Variants in GRIA4 observed in about 807,000 individuals in gnomAD.
The protein encoded by GRIA4 is glutamate ionotropic receptor AMPA type subunit 4, also known as glutamate receptor 4.
Under a neutral mutation model 104.0 loss-of-function variants are expected in GRIA4, and 34 were observed. The ratio of observed to expected loss-of-function variants is 0.33; its 90% CI spans 0.25 to 0.44. GRIA4 has a LOEUF of 0.44. GRIA4 is among the 20% of genes least tolerant of loss of function. The pLI, the probability that GRIA4 is intolerant of heterozygous loss-of-function variation, is 1.00. For missense variants in GRIA4, 750 were observed against 1,096.5 expected (o/e 0.68, Z 4.46); for synonymous variants, 386 against 381.9 (o/e 1.01, Z -0.13).
intron 4 of GRIA4, among the ~76,000 whole-genome samples, chr11:105,780,641 T>TA (rs1941686003): frequency 3.9e-5 from 6 of 152,134 alleles, no homozygotes; most frequent in Admixed American, 3.9e-4. Flanking sequence ...TGCTGAAAGA[T>TA]AAAAACCTCA....
intron 4 of GRIA4, among the ~76,000 whole-genome samples, chr11:105,803,725 G>C (rs1341807404): frequency 6.6e-6 from 1 of 151,504 alleles, no homozygotes; most frequent in East Asian, 1.9e-4. Flanking sequence ...CACTTCATGA[G>C]CTCCTAATGA....
At chr11:105,799,818 T>G (rs987516222) in intron 4 of GRIA4, among the ~76,000 whole-genome samples, 1 of 152,016 alleles carries the variant, frequency 6.6e-6, no homozygotes, top group African/African-American at 2.4e-5. Context: ...AGAAAGGGAA[T>G]GGACTAGGAA....
intron 4 of GRIA4, among the ~76,000 whole-genome samples, chr11:105,783,391 G>A (rs1246984556): frequency 6.6e-6 from 1 of 152,200 alleles, no homozygotes; most frequent in Non-Finnish European, 1.5e-5. Context: ...TTCAGTGTTA[G>A]CCCCACACAG....
intron 16 of GRIA4, chr11:105,974,740 A>G: frequency 1.8e-6 from 1 of 556,512 alleles, no homozygotes; most frequent in Non-Finnish European, 3.2e-6. Flanking sequence ...TTATGTTGCC[A>G]ATAGATATCT....
At chr11:105,803,377 A>G (rs913122625) in intron 4 of GRIA4, among the ~76,000 whole-genome samples, 1 of 151,980 alleles carries the variant, frequency 6.6e-6, no homozygotes, top group Non-Finnish European at 1.5e-5. Context: ...CTAATGATAT[A>G]TTGATGTTCA....
intron 3 of GRIA4, among the ~76,000 whole-genome samples, chr11:105,722,221 T>G (rs1937873094): frequency 6.6e-6 from 1 of 152,184 alleles, no homozygotes; most frequent in African/African-American, 2.4e-5. Context: ...ACTTAACCAT[T>G]CTTCCACTTT....
At chr11:105,817,511 T>C (rs1456821733) in intron 4 of GRIA4, among the ~76,000 whole-genome samples, 1 of 151,736 alleles carries the variant, frequency 6.6e-6, no homozygotes, top group Non-Finnish European at 1.5e-5. Flanking sequence ...TATTCATTCC[T>C]TTACAACTAG....
At chr11:105,805,726 C>T (rs1465476786) in intron 4 of GRIA4, among the ~76,000 whole-genome samples, 1 of 151,818 alleles carries the variant, frequency 6.6e-6, no homozygotes, top group Non-Finnish European at 1.5e-5. Context: ...GAGGTTATCC[C>T]ATCCATAGAC....
intron 3 of GRIA4, among the ~76,000 whole-genome samples, chr11:105,615,550 A>C (rs948851620): frequency 6.6e-6 from 1 of 151,902 alleles, no homozygotes; most frequent in African/African-American, 2.4e-5. Flanking sequence ...GTCAAATTTC[A>C]AAATGTAATT....
rs1859196246 is a variant in GRIA4 at position 105,980,054 on chromosome 11, C to T, written c.*315C>T. ...CGAGTGGACTCAAAAACTAATCAGA[C>T]TTATGAGTTAGCGCATTAAACTGTG... On this transcript the variant is annotated 3_prime_UTR_variant, in exon 17 of 17. Coordinates refer to ENST00000282499, the MANE Select transcript of GRIA4 (RefSeq NM_000829.4). 1 of 250,668 alleles carries T rather than the reference C, an allele frequency of 4.0e-6. No individual in the cohort carries two copies. Among genetic ancestry groups the T allele is most frequent in the African/African-American group, 2.2e-5 (1 of 46,140 alleles). The allele number at this position is 250,668 out of a possible 1,614,324, so 15.5% of individuals were successfully genotyped here.
intron 4 of GRIA4, among the ~76,000 whole-genome samples, chr11:105,770,611 C>G (rs1941164368): frequency 6.6e-6 from 1 of 151,972 alleles, no homozygotes; most frequent in Non-Finnish European, 1.5e-5. Context: ...CCAAGTAGTT[C>G]TGGAGAAAAG....
chr11:105,733,812 T>A (rs976147066), intron 3 of GRIA4, among the ~76,000 whole-genome samples: 1 of 125,824 alleles, frequency 7.9e-6, no homozygotes, highest in Non-Finnish European at 1.7e-5. Context: ...TCGATACCCC[T>A]TCCATTTTGA....
intron 6 of GRIA4, among the ~76,000 whole-genome samples, chr11:105,895,405 G>A (rs1245837506): frequency 6.6e-6 from 1 of 151,694 alleles, no homozygotes; most frequent in African/African-American, 2.4e-5. Flanking sequence ...TTTTTATAAG[G>A]TACCTAAAAT....
intron 3 of GRIA4, among the ~76,000 whole-genome samples, chr11:105,730,609 G>A (rs1363082255): frequency 6.6e-6 from 1 of 152,026 alleles, no homozygotes; most frequent in Non-Finnish European, 1.5e-5. Flanking sequence ...GAGGCATCAC[G>A]CTACCTGACT....
chr11:105,971,814 G>A, intron 14 of GRIA4, 100 bp from the exon 15 acceptor site: 1 of 703,516 alleles, frequency 1.4e-6, no homozygotes, highest in Non-Finnish European at 2.4e-6. Flanking sequence ...ACCTACTGTG[G>A]CCTCTGCTCT....
At chr11:105,629,610 T>C (rs1950980536) in intron 3 of GRIA4, among the ~76,000 whole-genome samples, 1 of 152,218 alleles carries the variant, frequency 6.6e-6, no homozygotes. Context: ...TAACGTACAC[T>C]GTTCTAAATT....
intron 4 of GRIA4, among the ~76,000 whole-genome samples, chr11:105,799,960 T>C (rs1942648402): frequency 6.6e-6 from 1 of 152,154 alleles, no homozygotes; most frequent in African/African-American, 2.4e-5. Context: ...TGGATTGGAA[T>C]TTTGCCAAAT....
chr11:105,759,543 C>T (rs564758255), intron 4 of GRIA4, among the ~76,000 whole-genome samples: 1 of 152,158 alleles, frequency 6.6e-6, no homozygotes, highest in Non-Finnish European at 1.5e-5. Flanking sequence ...ATATAAAGTC[C>T]AAATTTAAAA....
chr11:105,968,550 G>A (rs1858514235), intron 14 of GRIA4, among the ~76,000 whole-genome samples: 1 of 152,164 alleles, frequency 6.6e-6, no homozygotes, highest in Admixed American at 6.5e-5. Context: ...GCTTCACCTT[G>A]AAAGGTAAAA....
Sources: allele counts gnomAD v4.1 joint callset (sites outside exome capture counted in the v4.1 genomes callset), GRCh38; gene constraint gnomAD v4.1.1; transcripts MANE v1.5; gene names NCBI Gene and HGNC (gene_info 2026-07-23, HGNC 2026-07-21).